Variants in CDC42 observed in about 807,000 individuals in gnomAD.
CDC42 encodes cell division cycle 42.
CDC42 carries 1 observed loss-of-function variant against 20.8 expected under a neutral mutation model. That is an observed-to-expected ratio of 0.05 (90% CI 0.02 to 0.23). The LOEUF (loss-of-function observed/expected upper bound fraction) is 0.23. Among genes scored for constraint, CDC42 ranks in the 10% least tolerant of loss-of-function variants. The pLI, the probability that CDC42 is intolerant of heterozygous loss-of-function variation, is 1.00. For synonymous variants in CDC42, 72 were observed against 84.8 expected, an observed-to-expected ratio of 0.85 and a Z score of 0.83; for missense variants, 49 against 227.9, an observed-to-expected ratio of 0.21 and a Z score of 5.05.
Position 22,093,033 on chromosome 1 carries a change from C to A in CDC42, c.*1516C>A, listed in dbSNP as rs1333402894. Reference sequence around the variant, plus strand: ...ATTTGACTCTTGATAACATCAATTTCTAACAAACTTTGGGATAAAATTTTA... The same window carrying A: ...ATTTGACTCTTGATAACATCAATTTATAACAAACTTTGGGATAAAATTTTA... On this transcript the variant is annotated 3_prime_UTR_variant, in exon 6 of 6. Transcript: ENST00000656825. 1 of 152,578 alleles carries A rather than the reference C, an allele frequency of 6.6e-6. No individual in the cohort carries two copies. Among genetic ancestry groups the A allele is most frequent in the African/African-American group, 2.4e-5 (1 of 41,444 alleles). The allele number at this position is 152,578 out of a possible 1,614,324, so 9.5% of individuals were successfully genotyped here. A position where few individuals can be genotyped will look rare whatever the true frequency, so the allele number is the denominator to read the frequency against.
chr1:22,084,416 A>G (rs1458277978), intron 3 of CDC42, among the ~76,000 whole-genome samples: 1 of 104,138 alleles, frequency 9.6e-6, no homozygotes, highest in Non-Finnish European at 1.9e-5. Flanking sequence ...TTTGATTTGT[A>G]TTTCCTTAAT....
intron 1 of CDC42, among the ~76,000 whole-genome samples, chr1:22,078,098 T>C (rs1645570978): frequency 6.6e-6 from 1 of 152,214 alleles, no homozygotes; most frequent in Non-Finnish European, 1.5e-5. Context: ...AGAACAGCTT[T>C]CACAAAATAA....
intron 3 of CDC42, among the ~76,000 whole-genome samples, chr1:22,082,668 T>G (rs917244982): frequency 9.9e-5 from 15 of 152,192 alleles, no homozygotes; most frequent in African/African-American, 3.6e-4. Context: ...GAATGTGGTG[T>G]TACACTGTGT....
At chr1:22,080,473 T>C (rs1444325287) in intron 2 of CDC42, among the ~76,000 whole-genome samples, 4 of 152,242 alleles carry the variant, frequency 2.6e-5, no homozygotes, top group Non-Finnish European at 5.9e-5. Context: ...TGGAACAATC[T>C]GTTAAAACAT....
At chr1:22,090,282 GT>G (rs1240848258) in intron 5 of CDC42, 12 of 1,171,240 alleles carry the variant, frequency 1.0e-5, no homozygotes, top group Non-Finnish European at 1.2e-5. Context: ...GAGCTTTTTG[GT>G]TTGGATTACT....
At chr1:22,072,128 C>G (rs142103498) in intron 1 of CDC42, among the ~76,000 whole-genome samples, 2 of 127,534 alleles carry the variant, frequency 1.6e-5, no homozygotes, top group African/African-American at 6.0e-5. Context: ...GATGGAGTCT[C>G]GCTCTGTTGC....
chr1:22,069,880 C>G (rs972773911), intron 1 of CDC42, among the ~76,000 whole-genome samples: 1 of 151,900 alleles, frequency 6.6e-6, no homozygotes, highest in Admixed American at 6.6e-5. Context: ...TTGCAACCTC[C>G]GTCTCCTGGG....
intron 1 of CDC42, chr1:22,059,804 A>C (rs1449947408): frequency 6.6e-6 from 1 of 152,058 alleles, no homozygotes; most frequent in Non-Finnish European, 1.5e-5. Flanking sequence ...TTGGCCTCCC[A>C]AAGTGCTGGG....
chr1:22,095,950 T>A lies in CDC42; in HGVS notation c.*4433T>A, dbSNP rs147963552. ...CTATTCATTCATTTTTTTAAAAAAA[T>A]TTATTTATTTATTTATTTATTTATT... On this transcript the variant is annotated 3_prime_UTR_variant, in exon 6 of 6. Coordinates refer to ENST00000656825, the MANE Select transcript of CDC42 (RefSeq NM_001791.4). 1.3e-4 allele frequency among the ~76,000 whole-genome samples: 20 copies of A among 149,000 alleles called. No individual in the cohort carries two copies. In the East Asian group the frequency reaches 3.5e-3, roughly 26 times the overall value.
intron 5 of CDC42, among the ~76,000 whole-genome samples, chr1:22,088,254 G>A (rs1172901936): frequency 6.6e-6 from 1 of 152,190 alleles, no homozygotes; most frequent in Non-Finnish European, 1.5e-5. Flanking sequence ...CACTAATTCT[G>A]TGTGCTTCTG....
intron 2 of CDC42, among the ~76,000 whole-genome samples, chr1:22,079,718 A>G (rs910630618): frequency 6.6e-6 from 1 of 152,176 alleles, no homozygotes; most frequent in Non-Finnish European, 1.5e-5. Context: ...GGACATTTAG[A>G]GGTACATGAA....
chr1:22,086,694 G>C lies in CDC42; in HGVS notation c.314G>C (p.Cys105Ser). ...TGGGTGCCTGAGATAACTCACCACTGTCCAAAGACTCCTTTCTTGCTTGTT... is the reference window on the plus strand; with the variant it reads ...TGGGTGCCTGAGATAACTCACCACTCTCCAAAGACTCCTTTCTTGCTTGTT... ...EKWVPEITHH[C>S]PKTPFLLVGT... The change falls in exon 5 of 6, where the codon TGT becomes TCT. Residue 105 changes from cysteine to serine, a missense_variant. By Grantham distance (112) the Cys-to-Ser change is moderately radical. Around this residue, in one of 2 missense-constraint regions of CDC42, gnomAD observed 38 missense variants for 106.6 expected, o/e 0.36. Coordinates refer to ENST00000656825, the MANE Select transcript of CDC42 (RefSeq NM_001791.4). The C allele has an allele frequency of 6.2e-7, 1 of 1,614,026 alleles. No individual in the cohort carries two copies. Among genetic ancestry groups the C allele is most frequent in the Admixed American group, 1.7e-5 (1 of 60,018 alleles).
chr1:22,076,370 A>G (rs774619524), intron 1 of CDC42, among the ~76,000 whole-genome samples: 8 of 152,120 alleles, frequency 5.3e-5, no homozygotes, highest in Non-Finnish European at 1.2e-4. Context: ...AGGCAGGATA[A>G]TCGCTTGAAC....
intron 1 of CDC42, among the ~76,000 whole-genome samples, chr1:22,062,452 T>C (rs1645376493): frequency 6.6e-6 from 1 of 152,210 alleles, no homozygotes; most frequent in East Asian, 1.9e-4. Flanking sequence ...ATGCTGCAAA[T>C]GTCTGCTTGT....
intron 1 of CDC42, among the ~76,000 whole-genome samples, chr1:22,072,396 C>A (rs575894738): frequency 7.2e-5 from 11 of 152,030 alleles, no homozygotes; most frequent in Non-Finnish European, 1.2e-4. Flanking sequence ...CGTGCCTGGC[C>A]GTTTTACTTA....
chr1:22,086,283 G>A (rs1645661788), intron 3 of CDC42, among the ~76,000 whole-genome samples, 156 bp from the exon 4 acceptor site: 2 of 152,130 alleles, frequency 1.3e-5, no homozygotes, highest in Admixed American at 1.3e-4. Context: ...TGTAGAATTA[G>A]CTGATTGAGA....
At chr1:22,060,992 A>G (rs1450402431) in intron 1 of CDC42, among the ~76,000 whole-genome samples, 2 of 152,244 alleles carry the variant, frequency 1.3e-5, no homozygotes, top group African/African-American at 2.4e-5. Flanking sequence ...ATGTTAGATC[A>G]TCCTAATAGT....
At chr1:22,070,950 C>T (rs1252754795) in intron 1 of CDC42, among the ~76,000 whole-genome samples, 1 of 151,994 alleles carries the variant, frequency 6.6e-6, no homozygotes, top group Non-Finnish European at 1.5e-5. Flanking sequence ...ATCCTTTCTG[C>T]AGAAGGTATA....
intron 1 of CDC42, among the ~76,000 whole-genome samples, chr1:22,057,030 A>G (rs948512142): frequency 6.6e-6 from 1 of 152,234 alleles, no homozygotes; most frequent in African/African-American, 2.4e-5. Context: ...TATTGCTACT[A>G]TAATGATTAA....
Sources: gnomAD v4.1 joint callset for allele counts (sites outside exome capture counted in the v4.1 genomes callset) on GRCh38, gnomAD v4.1.1 for gene constraint, gnomAD v4.1.1 regional missense constraint, MANE v1.5 for transcripts, NCBI Gene and HGNC (gene_info 2026-07-23, HGNC 2026-07-21) for gene names.